The following TLE3 variants were observed in gnomAD, a reference collection of about 807,000 sequenced individuals.
TLE3 encodes the protein transducin-like enhancer protein 3.
A neutral mutation model predicts 93.0 loss-of-function variants in TLE3; 14 were observed. That is an observed-to-expected ratio of 0.15 (90% confidence interval 0.10 to 0.24). TLE3 has a LOEUF of 0.24. Among genes scored for constraint, TLE3 ranks in the 10% least tolerant of loss-of-function variants. TLE3 has a pLI of 1.00. For synonymous variants in TLE3, 451 were observed against 425.0 expected, an observed-to-expected ratio of 1.06 and a Z score of -0.75; for missense variants, 693 against 1,046.6, an observed-to-expected ratio of 0.66 and a Z score of 4.66.
At chr15:70,068,442 T>C (rs1422293062) in intron 6 of TLE3, among the ~76,000 whole-genome samples, 3 of 152,214 alleles carry the variant, frequency 2.0e-5, no homozygotes, top group African/African-American at 7.2e-5. Context: ...GAGTCTCCAG[T>C]AGGGCCCCTT....
rs889332525 is a variant in TLE3, at chr15:70,058,041, C to G, written c.1051+118G>C. The G allele has an allele frequency of 6.0e-6, 9 of 1,490,274 alleles. No individual in the cohort carries two copies. Among genetic ancestry groups the G allele is most frequent in the Non-Finnish European group, 8.2e-6 (9 of 1,100,600 alleles). 92.3% of individuals were successfully genotyped at this position (1,490,274 alleles called of 1,614,324 possible). On this transcript the variant is annotated intron_variant, in intron 12 of 19. Coordinates refer to ENST00000451782, the MANE Select transcript of TLE3 (RefSeq NM_001105192.3). The surrounding 1 kb of genome is among the most constrained non-coding windows in gnomAD (Gnocchi z 4.1). Reference sequence around the variant, plus strand: ...TGACCGTGAAGTCCCCAGGGGCAGGCCCTGGGAGACACTGCCTGTGCTCTA... The same window carrying G: ...TGACCGTGAAGTCCCCAGGGGCAGGGCCTGGGAGACACTGCCTGTGCTCTA...
In TLE3 at chr15:70,050,714, G is replaced by A. The variant is rs3784660; in HGVS notation, c.2203-510C>T. On this transcript the variant is annotated intron_variant, in intron 19 of 19. Coordinates refer to ENST00000451782, the MANE Select transcript of TLE3 (RefSeq NM_001105192.3). ...ACATTTCAGCCTGGGTCCAGAAAGCGGCATGTTGGCTGAGGGAGTGAGAGA... is the reference window on the plus strand; with the variant it reads ...ACATTTCAGCCTGGGTCCAGAAAGCAGCATGTTGGCTGAGGGAGTGAGAGA... The A allele has an allele frequency of 0.018, 2,830 of 156,138 alleles. 119 individuals are homozygous for A. The East Asian group carries it at 0.2, about 11-fold the overall frequency. The allele number at this position is 156,138 out of a possible 1,614,324, so 9.7% of individuals were successfully genotyped here. A position where few individuals can be genotyped will look rare whatever the true frequency, so the allele number is the denominator to read the frequency against.
rs2141481070 is a variant in TLE3 at position 70,057,613 on chromosome 15, G to A, written c.1097C>T (p.Ala366Val). 6 of 1,590,976 alleles carry A rather than the reference G, an allele frequency of 3.8e-6. No homozygotes were observed. Among genetic ancestry groups the A allele is most frequent in the African/African-American group, 1.3e-5 (1 of 74,848 alleles). ...ATGGTGGCTCATCATGGCGAAGGGC[G>A]CCGCATAGGAGCTGGTGATGGAGAT... ...TPISITSSYA[A>V]PFAMMSHHEM... The change falls in exon 13 of 20, where the codon GCG becomes GTG. Residue 366 changes from alanine (A) to valine (V), a missense_variant. Around this residue, in one of 4 missense-constraint regions of TLE3, gnomAD observed 405 missense variants for 468.9 expected, o/e 0.86. Transcript: ENST00000451782.
intron 7 of TLE3, among the ~76,000 whole-genome samples, chr15:70,064,731 G>C (rs569383175): frequency 2.1e-4 from 32 of 152,204 alleles, no homozygotes; most frequent in African/African-American, 7.5e-4. Context: ...GGGTGGGCAA[G>C]GGAGGCCCAG....
At chr15:70,074,500 C>G in intron 6 of TLE3, 33 bp downstream of exon 6, 2 of 1,601,310 alleles carry the variant, frequency 1.2e-6, no homozygotes, top group Non-Finnish European at 1.7e-6. Context: ...GGGCTATACA[C>G]ACGGTAAGAG....
At chr15:70,062,418 C>T (rs918638114) in intron 8 of TLE3, among the ~76,000 whole-genome samples, 17 of 152,318 alleles carry the variant, frequency 1.1e-4, no homozygotes, top group African/African-American at 3.6e-4. Context: ...TGTTTCTCCT[C>T]GCGACCCGGT....
chr15:70,096,106 G>A, intron 2 of TLE3, 55 bp downstream of exon 2: 2 of 1,367,766 alleles, frequency 1.5e-6, no homozygotes, highest in Non-Finnish European at 1.9e-6. Flanking sequence ...GGCAGGAGCC[G>A]CGCAGGGGAC....
chr15:70,050,031 G>T lies in TLE3; in HGVS notation c.*66C>A. ...CCGCCATCCTCGGGGCCCCTCGCCT[G>T]GGGGTCTCCCTGTCAGAGCCGAGTC... is the stretch of plus-strand genomic sequence containing the variant. On this transcript the variant is annotated 3_prime_UTR_variant, in exon 20 of 20. Coordinates refer to ENST00000451782, the MANE Select transcript of TLE3 (RefSeq NM_001105192.3). 6.9e-7 allele frequency: 1 copy of T among 1,441,546 alleles called. No individual in the cohort carries two copies. The highest frequency in any genetic ancestry group is 1.1e-5 in the South Asian group (1 of 87,008). The allele number at this position is 1,441,546 out of a possible 1,614,324, so 89.3% of individuals were successfully genotyped here. A position where few individuals can be genotyped will look rare whatever the true frequency, so the allele number is the denominator to read the frequency against.
chr15:70,061,552 T>C (rs998873753), intron 8 of TLE3, among the ~76,000 whole-genome samples: 2 of 152,134 alleles, frequency 1.3e-5, no homozygotes, highest in African/African-American at 4.8e-5. Context: ...AATCACCATG[T>C]GGCTGTTACC....
intron 19 of TLE3, 126 bp from the exon 20 acceptor site, chr15:70,050,330 CCT>C (rs1281424818): frequency 4.0e-6 from 3 of 744,226 alleles, no homozygotes; most frequent in African/African-American, 3.4e-5. Flanking sequence ...CTCCTCTGCC[CCT>C]CTCTGATGCT....
At chr15:70,092,818 G>A (rs2058367243) in intron 4 of TLE3, among the ~76,000 whole-genome samples, 1 of 152,168 alleles carries the variant, frequency 6.6e-6, no homozygotes, top group Admixed American at 6.5e-5. Flanking sequence ...CAGACATGCG[G>A]AACACCACCC....
At chr15:70,057,761 C>A in intron 12 of TLE3, 103 bp from the exon 13 acceptor site, 1 of 1,374,658 alleles carries the variant, frequency 7.3e-7, no homozygotes, top group Admixed American at 2.0e-5. Context: ...AAGCTGCCTG[C>A]TCCAGGCAGT....
At chr15:70,096,728 AC>A (rs1292312335) in intron 1 of TLE3, 46 bp downstream of exon 1, 32 of 1,608,426 alleles carry the variant, frequency 2.0e-5, no homozygotes, top group Non-Finnish European at 2.5e-5. Context: ...TGCCTCGTTT[AC>A]CCTGCCATGA....
chr15:70,061,883 G>T (rs887389216), intron 8 of TLE3, among the ~76,000 whole-genome samples: 2 of 149,568 alleles, frequency 1.3e-5, no homozygotes, highest in African/African-American at 5.1e-5. Context: ...AACACAGGAG[G>T]TCATATGGAG....
At chr15:70,072,051 C>T (rs965241560) in intron 6 of TLE3, among the ~76,000 whole-genome samples, 16 of 152,202 alleles carry the variant, frequency 1.1e-4, no homozygotes, top group East Asian at 3.9e-4. Context: ...CTCTGTCAGG[C>T]GCAGCGATTA....
intron 4 of TLE3, among the ~76,000 whole-genome samples, chr15:70,080,797 C>G (rs756239530): frequency 2.6e-4 from 40 of 152,124 alleles, no homozygotes; most frequent in Non-Finnish European, 4.4e-4. Context: ...GGCCCTTGAC[C>G]CAAGACACTA....
At position 70,076,080 on chromosome 15, in the gene TLE3, TA is replaced by T; in HGVS notation, c.297+15del. 1 of 1,612,864 alleles carries T rather than the reference TA, an allele frequency of 6.2e-7. No individual in the cohort carries two copies. Reference sequence around the variant, plus strand: ...ATTTGGAAAGAAAAGGAAGAAATAATAAAAGAAGGTCTTACCTCTTGTGACA... The same window carrying T: ...ATTTGGAAAGAAAAGGAAGAAATAATAAAGAAGGTCTTACCTCTTGTGACA... On this transcript the variant is annotated intron_variant, in intron 5 of 19. Transcript: ENST00000451782.
intron 1 of TLE3, 142 bp from the exon 2 acceptor site, chr15:70,096,403 C>T: frequency 1.4e-6 from 2 of 1,424,732 alleles, no homozygotes; most frequent in Middle Eastern, 2.5e-4. Flanking sequence ...CTCAGCTCTC[C>T]GACGGGGCGG....
At chr15:70,056,106 G>T (rs999385731) in intron 14 of TLE3, 192 bp downstream of exon 14, 2 of 666,344 alleles carry the variant, frequency 3.0e-6, no homozygotes, top group South Asian at 1.7e-5. Flanking sequence ...GTGCTCAGAA[G>T]TGTGGCTTGG....
Sources: gnomAD v4.1 joint callset for allele counts (sites outside exome capture counted in the v4.1 genomes callset) on GRCh38, gnomAD v4.1.1 for gene constraint, gnomAD v4.1.1 regional missense constraint, Gnocchi (gnomAD v3.1) non-coding constraint, MANE v1.5 for transcripts, NCBI Gene and HGNC (gene_info 2026-07-23, HGNC 2026-07-21) for gene names.